The following CDIN1 variants were observed in gnomAD, a reference collection of about 807,000 sequenced individuals.
The protein encoded by CDIN1 is CDAN1 interacting nuclease 1, also known as CDAN1-interacting nuclease 1.
In CDIN1, 33 loss-of-function variants were observed where a neutral mutation model predicts 45.3. That is an observed-to-expected ratio of 0.73 (90% confidence interval 0.55 to 0.97). The LOEUF (loss-of-function observed/expected upper bound fraction) is 0.97, where lower values mean the gene tolerates loss of function less well. Ranked by LOEUF, CDIN1 falls within the 50% of genes least tolerant of loss-of-function variation. The pLI is 0.00. For missense variants in CDIN1, 303 were observed against 339.4 expected, an observed-to-expected ratio of 0.89 and a Z score of 0.84; for synonymous variants, 118 against 124.4, an observed-to-expected ratio of 0.95 and a Z score of 0.34.
intron 1 of CDIN1, among the ~76,000 whole-genome samples, chr15:36,580,720 A>C (rs1034627404): frequency 6.6e-6 from 1 of 152,244 alleles, no homozygotes; most frequent in Non-Finnish European, 1.5e-5. Flanking sequence ...GAACCAGTTG[A>C]GGACAACCAG....
chr15:36,636,408 C>T (rs564252612), intron 1 of CDIN1, among the ~76,000 whole-genome samples: 21 of 152,118 alleles, frequency 1.4e-4, no homozygotes, highest in African/African-American at 3.9e-4. Flanking sequence ...AAAAATTAGC[C>T]GTTTGTGGTG....
At chr15:36,665,857 T>C (rs1288030558) in intron 5 of CDIN1, among the ~76,000 whole-genome samples, 1 of 152,218 alleles carries the variant, frequency 6.6e-6, no homozygotes, top group Non-Finnish European at 1.5e-5. Context: ...TGGAATTTTC[T>C]TAGAACTTCA....
At chr15:36,616,295 T>G (rs977612237) in intron 1 of CDIN1, among the ~76,000 whole-genome samples, 7 of 151,888 alleles carry the variant, frequency 4.6e-5, no homozygotes, top group Non-Finnish European at 1.0e-4. Flanking sequence ...TCATTTTTTT[T>G]TTTTGAGACA....
intron 10 of CDIN1, among the ~76,000 whole-genome samples, chr15:36,725,768 T>C (rs1228825619): frequency 6.6e-6 from 1 of 152,142 alleles, no homozygotes; most frequent in African/African-American, 2.4e-5. Context: ...TTTAATTTAG[T>C]ATATCATGGT....
At chr15:36,701,174 A>T (rs759888554) in intron 8 of CDIN1, among the ~76,000 whole-genome samples, 5 of 150,004 alleles carry the variant, frequency 3.3e-5, no homozygotes, top group Non-Finnish European at 6.0e-5. Context: ...AGATAGATAG[A>T]TATGAGCATT....
intron 1 of CDIN1, among the ~76,000 whole-genome samples, chr15:36,625,378 G>A (rs540295771): frequency 6.6e-6 from 1 of 152,252 alleles, no homozygotes; most frequent in East Asian, 1.9e-4. Flanking sequence ...TATGGTCACG[G>A]AATTAAATTT....
chr15:36,603,801 A>T (rs181864414), intron 1 of CDIN1, among the ~76,000 whole-genome samples: 1 of 152,154 alleles, frequency 6.6e-6, no homozygotes, highest in Non-Finnish European at 1.5e-5. Context: ...AAAAAGAGTT[A>T]TTGTCCATTT....
chr15:36,804,063 G>A (rs2141140603), intron 10 of CDIN1, among the ~76,000 whole-genome samples: 1 of 151,890 alleles, frequency 6.6e-6, no homozygotes, highest in Admixed American at 6.5e-5. Context: ...GAGACCTTAG[G>A]CAATCTACTT....
At chr15:36,760,253 G>A (rs1262683398) in intron 10 of CDIN1, among the ~76,000 whole-genome samples, 1 of 152,182 alleles carries the variant, frequency 6.6e-6, no homozygotes, top group African/African-American at 2.4e-5. Context: ...GACATGGAAA[G>A]TACAATAGCC....
chr15:36,654,528 A>AAC (rs1325788940), intron 4 of CDIN1, among the ~76,000 whole-genome samples: 4 of 151,580 alleles, frequency 2.6e-5, no homozygotes, highest in Admixed American at 6.6e-5. Flanking sequence ...AAAAAAAAAA[A>AAC]AAAACTGCTG....
rs1175583596 is a variant in CDIN1 at position 36,626,674 on chromosome 15, TC to T, written c.102-17603del. 5 of 398,004 alleles carry T rather than the reference TC, an allele frequency of 1.3e-5. No individual in the cohort carries two copies. In the East Asian group the frequency reaches 4.2e-4, roughly 33 times the overall value. The allele number at this position is 398,004 out of a possible 1,614,324, so 24.7% of individuals were successfully genotyped here. Reference sequence around the variant, plus strand: ...AAAGCCATTTGCAGAGATCTGGAAATCATGAGCTTCCTAAGTGGGAGGAGGT... The same window carrying T: ...AAAGCCATTTGCAGAGATCTGGAAATATGAGCTTCCTAAGTGGGAGGAGGT... On this transcript the variant is annotated intron_variant, in intron 1 of 10. Coordinates refer to ENST00000566621, the MANE Select transcript of CDIN1 (RefSeq NM_001321759.2).
At chr15:36,759,468 T>C (rs1180943181) in intron 10 of CDIN1, among the ~76,000 whole-genome samples, 1 of 152,196 alleles carries the variant, frequency 6.6e-6, no homozygotes, top group African/African-American at 2.4e-5. Flanking sequence ...ATGTTTTTTC[T>C]TGTGGAAGAA....
At position 36,808,465 on chromosome 15, in the gene CDIN1, C is replaced by G; in HGVS notation, c.*12C>G. 1.9e-6 allele frequency: 3 copies of G among 1,612,974 alleles called. No individual in the cohort carries two copies. Among genetic ancestry groups the G allele is most frequent in the Non-Finnish European group, 2.5e-6 (3 of 1,179,312 alleles). On this transcript the variant is annotated 3_prime_UTR_variant, in exon 11 of 11. Transcript: ENST00000566621. ...ACAGCATAGCTTGACCCTGAAGATC[C>G]TGGAAGAGAAGCTGGGAGGAAAAGG...
At chr15:36,751,175 T>C (rs939831339) in intron 10 of CDIN1, among the ~76,000 whole-genome samples, 1 of 146,976 alleles carries the variant, frequency 6.8e-6, no homozygotes. Context: ...ATGTTTGCTT[T>C]TACCAAGAAC....
intron 10 of CDIN1, among the ~76,000 whole-genome samples, chr15:36,766,102 C>T (rs78826266): frequency 0.23 from 35,729 of 152,124 alleles, 5,134 homozygotes; most frequent in Non-Finnish European, 0.32. Context: ...CTACCAGCTG[C>T]TCTCTGCTTC....
chr15:36,605,069 T>G (rs1278131545), intron 1 of CDIN1, among the ~76,000 whole-genome samples: 2 of 152,206 alleles, frequency 1.3e-5, no homozygotes, highest in Non-Finnish European at 2.9e-5. Flanking sequence ...TAATGATGAT[T>G]ATATCAGACT....
At chr15:36,750,158 G>GGTAT (rs2053421437) in intron 10 of CDIN1, among the ~76,000 whole-genome samples, 2 of 151,876 alleles carry the variant, frequency 1.3e-5, no homozygotes, top group Non-Finnish European at 2.9e-5. Flanking sequence ...AACCTATGTG[G>GGTAT]GTATGACTGT....
chr15:36,604,997 G>C (rs2038294468), intron 1 of CDIN1, among the ~76,000 whole-genome samples: 1 of 152,086 alleles, frequency 6.6e-6, no homozygotes, highest in African/African-American at 2.4e-5. Flanking sequence ...AAAAAAGAAA[G>C]GAAAGACGGA....
intron 1 of CDIN1, among the ~76,000 whole-genome samples, chr15:36,586,508 T>C (rs975046002): frequency 6.6e-6 from 1 of 152,228 alleles, no homozygotes; most frequent in African/African-American, 2.4e-5. Context: ...TTTCACCACT[T>C]AATTAGCATG....
Sources: gnomAD v4.1 joint callset for allele counts (sites outside exome capture counted in the v4.1 genomes callset) on GRCh38, gnomAD v4.1.1 for gene constraint, MANE v1.5 for transcripts, NCBI Gene and HGNC (gene_info 2026-07-23, HGNC 2026-07-21) for gene names.